ROBO1: variants seen among roughly 807,000 people sequenced by gnomAD.
ROBO1 encodes roundabout guidance receptor 1, also known as roundabout homolog 1.
In ROBO1, 149 loss-of-function variants were observed where a neutral mutation model predicts 195.9. That is an observed-to-expected ratio of 0.76 (90% CI 0.67 to 0.87). The LOEUF is 0.87. ROBO1 is among the 40% of genes least tolerant of loss of function. The pLI, the probability that ROBO1 is intolerant of heterozygous loss-of-function variation, is 0.00. For synonymous variants in ROBO1, 816 were observed against 733.2 expected (o/e 1.11, Z -1.82); for missense variants, 1,933 against 2,068.3 (o/e 0.93, Z 1.27).
chr3:79,597,711 CA>C (rs1944222026), intron 1 of ROBO1, among the ~76,000 whole-genome samples: 1 of 151,920 alleles, frequency 6.6e-6, no homozygotes, highest in African/African-American at 2.4e-5. Flanking sequence ...ATTTGCTTTA[CA>C]AAATGAGGCA....
At chr3:78,795,404 T>C (rs1559864171) in intron 4 of ROBO1, among the ~76,000 whole-genome samples, 1 of 152,174 alleles carries the variant, frequency 6.6e-6, no homozygotes. Flanking sequence ...TATTTCTTGA[T>C]AAAAAACTTT....
chr3:79,475,914 T>C (rs2107346531), intron 2 of ROBO1, among the ~76,000 whole-genome samples: 1 of 152,242 alleles, frequency 6.6e-6, no homozygotes, highest in Admixed American at 6.6e-5. Context: ...TACAGACTCT[T>C]TGGAAGATTA....
chr3:78,831,341 T>C (rs1223843014), intron 4 of ROBO1, among the ~76,000 whole-genome samples: 4 of 152,132 alleles, frequency 2.6e-5, no homozygotes, highest in African/African-American at 9.7e-5. Flanking sequence ...AAAAATGAAA[T>C]TACAAGTTCT....
At chr3:79,445,662 A>ATTT (rs375526795) in intron 2 of ROBO1, among the ~76,000 whole-genome samples, 4 of 134,106 alleles carry the variant, frequency 3.0e-5, no homozygotes, top group Non-Finnish European at 3.2e-5. Context: ...AGGCCTGGCA[A>ATTT]TTTTTTTTTT....
chr3:79,225,440 A>G (rs2082210427), intron 2 of ROBO1, among the ~76,000 whole-genome samples: 1 of 152,178 alleles, frequency 6.6e-6, no homozygotes, highest in African/African-American at 2.4e-5. Context: ...AATTCTCCCC[A>G]CTTGCACACA....
At chr3:79,423,038 C>A (rs762366839) in intron 2 of ROBO1, among the ~76,000 whole-genome samples, 2 of 152,040 alleles carry the variant, frequency 1.3e-5, no homozygotes, top group Non-Finnish European at 2.9e-5. Flanking sequence ...TCTGCTCAAA[C>A]GTCTGATATA....
chr3:79,351,687 T>G (rs760110815), intron 2 of ROBO1, among the ~76,000 whole-genome samples: 3 of 152,176 alleles, frequency 2.0e-5, no homozygotes, highest in Admixed American at 2.0e-4. Flanking sequence ...TATTTGTTGT[T>G]GCAAGTTTTG....
chr3:79,076,337 A>C (rs1056169881), intron 3 of ROBO1, among the ~76,000 whole-genome samples: 4 of 149,404 alleles, frequency 2.7e-5, no homozygotes, highest in African/African-American at 7.3e-5. Context: ...TTTTATATGT[A>C]ATTGAAGAAA....
chr3:79,233,437 T>C (rs867474631), intron 2 of ROBO1, among the ~76,000 whole-genome samples: 20 of 152,112 alleles, frequency 1.3e-4, no homozygotes, highest in African/African-American at 3.4e-4. Flanking sequence ...TCAGTTACAA[T>C]GTATAGATAA....
rs142141050 is a variant in ROBO1, at chr3:78,799,082, A to G, written c.500-52182T>C. ...GATTATTATCATATAGTGGGTTCCA[A>G]TGATGGTCCTGGAATTCTTCTCTTT... On this transcript the variant is annotated intron_variant, in intron 4 of 30. Transcript: ENST00000464233. Among the ~76,000 whole-genome samples, 11 of 152,284 alleles carry G rather than the reference A, an allele frequency of 7.2e-5. No individual in the cohort carries two copies. The East Asian group carries it at 1.5e-3, about 21-fold the overall frequency.
At chr3:78,836,689 G>A (rs1019006161) in intron 4 of ROBO1, among the ~76,000 whole-genome samples, 4 of 151,990 alleles carry the variant, frequency 2.6e-5, no homozygotes, top group Non-Finnish European at 5.9e-5. Flanking sequence ...GTATAAGGTG[G>A]TCAACTGACC....
intron 3 of ROBO1, among the ~76,000 whole-genome samples, chr3:78,979,211 C>T (rs2076941929): frequency 6.6e-6 from 1 of 152,130 alleles, no homozygotes; most frequent in Non-Finnish European, 1.5e-5. Context: ...TTGTGCCATT[C>T]CCCTTCCATA....
intron 5 of ROBO1, among the ~76,000 whole-genome samples, chr3:78,721,559 A>G (rs1354178631): frequency 6.6e-6 from 1 of 152,196 alleles, no homozygotes; most frequent in Non-Finnish European, 1.5e-5. Flanking sequence ...ATATACCAAA[A>G]TAAGAGGAAA....
At chr3:78,870,282 T>G (rs1411500593) in intron 4 of ROBO1, among the ~76,000 whole-genome samples, 1 of 152,122 alleles carries the variant, frequency 6.6e-6, no homozygotes, top group Non-Finnish European at 1.5e-5. Context: ...CGTAATGAAG[T>G]TAAGTTAGTA....
At chr3:78,627,642 G>A in intron 25 of ROBO1, 73 bp from the exon 26 acceptor site, 1 of 1,434,646 alleles carries the variant, frequency 7.0e-7, no homozygotes, top group Non-Finnish European at 9.4e-7. Context: ...GTAATGAAAT[G>A]TCACCTTTAA....
intron 1 of ROBO1, among the ~76,000 whole-genome samples, chr3:79,629,298 T>A (rs1945269055): frequency 6.6e-6 from 1 of 152,158 alleles, no homozygotes; most frequent in African/African-American, 2.4e-5. Context: ...TCATATCAAG[T>A]GTCTTCTCAG....
At chr3:79,519,368 C>A (rs1003433574) in intron 2 of ROBO1, among the ~76,000 whole-genome samples, 4 of 152,044 alleles carry the variant, frequency 2.6e-5, no homozygotes, top group Admixed American at 2.0e-4. Context: ...TGGTGGCTCA[C>A]GCCTGTAATC....
At chr3:79,315,803 A>G (rs934266900) in intron 2 of ROBO1, among the ~76,000 whole-genome samples, 1 of 152,218 alleles carries the variant, frequency 6.6e-6, no homozygotes, top group Non-Finnish European at 1.5e-5. Flanking sequence ...CTGCCAACAT[A>G]CACATAGACT....
intron 1 of ROBO1, among the ~76,000 whole-genome samples, chr3:79,696,683 TG>T (rs1328038141): frequency 2.6e-4 from 40 of 151,360 alleles, no homozygotes; most frequent in Non-Finnish European, 5.0e-4. Flanking sequence ...TAAAAGAAAA[TG>T]GCACCTGGAT....
Sources: gnomAD v4.1 joint callset for allele counts (sites outside exome capture counted in the v4.1 genomes callset) on GRCh38, gnomAD v4.1.1 for gene constraint, MANE v1.5 for transcripts, NCBI Gene and HGNC (gene_info 2026-07-23, HGNC 2026-07-21) for gene names.